Variants in TFRC observed in about 807,000 individuals in gnomAD.
The protein encoded by TFRC is transferrin receptor, also known as transferrin receptor protein 1.
TFRC carries 35 observed loss-of-function variants against 85.8 expected under a neutral mutation model. That is an observed-to-expected ratio of 0.41 (90% CI 0.31 to 0.54). The LOEUF (loss-of-function observed/expected upper bound fraction) is 0.54. TFRC is among the 20% of genes least tolerant of loss of function. TFRC has a pLI of 0.31. For missense variants in TFRC, 828 were observed against 921.5 expected (o/e 0.90, Z 1.31); for synonymous variants, 362 against 328.6 (o/e 1.10, Z -1.10).
chr3:196,073,429 C>T (rs1718396976), intron 4 of TFRC, among the ~76,000 whole-genome samples: 2 of 152,036 alleles, frequency 1.3e-5, no homozygotes, highest in South Asian at 4.2e-4. Context: ...CAGAGGGAGA[C>T]ATTGTCTCTG....
Position 196,073,986 on chromosome 3 carries a change from G to A in TFRC, c.378C>T (p.Asp126=). The A allele has an allele frequency of 1.9e-6, 3 of 1,614,048 alleles. No homozygotes were observed. The highest frequency in any genetic ancestry group is 2.5e-6 in the Non-Finnish European group (3 of 1,180,024). The change falls in exon 4 of 19, where the codon GAC becomes GAT. Residue 126 remains aspartate (D), a synonymous_variant. Coordinates refer to ENST00000360110, the MANE Select transcript of TFRC (RefSeq NM_001128148.3). The stretch of plus-strand genomic sequence containing the variant: ...GTTTCTCCGACAACTTTCTCTTCAG[G>A]TCATCCCAATATAAGCGACGTGCTG... ...FPAARRLYWD[D]LKRKLSEKLD... is the part of the protein sequence containing the mutation.
At chr3:196,061,013 A>G (rs1324367801) in intron 13 of TFRC, among the ~76,000 whole-genome samples, 1 of 152,154 alleles carries the variant, frequency 6.6e-6, no homozygotes, top group Non-Finnish European at 1.5e-5. Flanking sequence ...CAAACATACA[A>G]CAGGGAAATA....
chr3:196,058,733 T>C (rs893089438), intron 14 of TFRC, 101 bp from the exon 15 acceptor site: 5 of 693,634 alleles, frequency 7.2e-6, no homozygotes, highest in African/African-American at 3.7e-5. Flanking sequence ...AATAAAAAAC[T>C]TGTATTATAT....
chr3:196,062,837 G>A lies in TFRC; in HGVS notation c.1404+17C>T, dbSNP rs2239640. On this transcript the variant is annotated intron_variant, in intron 12 of 18. Transcript: ENST00000360110. Reference sequence around the variant, plus strand: ...CACAAGCTCGTGTCCAATATGGGAAGGGATGATAAAGAATACCTCTAGCCA... The same window carrying A: ...CACAAGCTCGTGTCCAATATGGGAAAGGATGATAAAGAATACCTCTAGCCA... The A allele has an allele frequency of 2.5e-6, 4 of 1,611,374 alleles. No homozygotes were observed. In the African/African-American group the frequency reaches 5.3e-5, roughly 22 times the overall value.
At chr3:196,062,978 T>C in intron 11 of TFRC, 39 bp from the exon 12 acceptor site, 1 of 1,546,954 alleles carries the variant, frequency 6.5e-7, no homozygotes, top group Non-Finnish European at 8.9e-7. Context: ...GAGGAAAGGT[T>C]ATACACAGAC....
At chr3:196,065,666 G>A in intron 9 of TFRC, 66 bp from the exon 10 acceptor site, 1 of 1,489,104 alleles carries the variant, frequency 6.7e-7, no homozygotes, top group Non-Finnish European at 8.9e-7. Context: ...CTCCTGTCCA[G>A]TGAAGTTACA....
intron 13 of TFRC, 40 bp downstream of exon 13, chr3:196,062,542 T>C: frequency 3.2e-6 from 5 of 1,571,702 alleles, no homozygotes; most frequent in Non-Finnish European, 4.3e-6. Flanking sequence ...TCAAAAAAGT[T>C]TACCTGAATT....
chr3:196,067,697 C>G (rs974946275), intron 8 of TFRC, 40 bp from the exon 9 acceptor site: 1 of 1,599,618 alleles, frequency 6.3e-7, no homozygotes, highest in African/African-American at 1.3e-5. Flanking sequence ...TCACATACTT[C>G]CTCAAAACTT....
At chr3:196,062,078 G>A (rs760919198) in intron 13 of TFRC, among the ~76,000 whole-genome samples, 2 of 152,036 alleles carry the variant, frequency 1.3e-5, no homozygotes, top group Non-Finnish European at 2.9e-5. Context: ...TGGGCAACAT[G>A]GCAAAACCCC....
Position 196,058,641 on chromosome 3 carries a change from T to A in TFRC, c.1537-9A>T. On this transcript the variant is annotated splice_polypyrimidine_tract_variant and intron_variant, in intron 14 of 18. Transcript: ENST00000360110. ...GTAACCGGATGCTTCACCTGTAAGA[T>A]AAGAAATTATCATTAAAACTAACCT... 6.2e-7 allele frequency: 1 copy of A among 1,605,006 alleles called. No individual in the cohort carries two copies. The highest frequency in any genetic ancestry group is 8.5e-7 in the Non-Finnish European group (1 of 1,175,222).
At chr3:196,081,968 G>C (rs1219883110) in intron 1 of TFRC, 75 bp downstream of exon 1, 1 of 152,408 alleles carries the variant, frequency 6.6e-6, no homozygotes, top group Non-Finnish European at 1.5e-5. Context: ...CAGCACCGGA[G>C]CGGCCGCTCC....
chr3:196,062,588 C>A lies in TFRC; in HGVS notation c.1462G>T (p.Val488Phe). 2 of 1,606,996 alleles carry A rather than the reference C, an allele frequency of 1.2e-6. No homozygotes were observed. The highest frequency in any genetic ancestry group is 1.7e-6 in the Non-Finnish European group (2 of 1,177,932). Residue 488 changes from valine (V) to phenylalanine (F), a missense_variant, in exon 13 of 19, where the codon GTT becomes TTT. Val to Phe is a conservative substitution (Grantham distance 50). Coordinates refer to ENST00000360110, the MANE Select transcript of TFRC (RefSeq NM_001128148.3). ...AFTYINLDKA[V>F]LGTSNFKVSA... ...TAATGAAAGGGATACTTACCAAGAA[C>A]CGCTTTATCCAGATTAATATAAGTG... is the stretch of plus-strand genomic sequence containing the variant.
chr3:196,058,418 C>G, intron 15 of TFRC, 53 bp from the exon 16 acceptor site: 1 of 1,556,142 alleles, frequency 6.4e-7, no homozygotes. Flanking sequence ...ATAGACTGTT[C>G]TATCGTGCTA....
intron 6 of TFRC, among the ~76,000 whole-genome samples, chr3:196,070,873 T>C (rs1175265531): frequency 6.6e-6 from 1 of 151,842 alleles, no homozygotes; most frequent in Non-Finnish European, 1.5e-5. Context: ...GCCTGGGTGG[T>C]GGTGGAGAAT....
chr3:196,071,063 C>G (rs1487295030), intron 6 of TFRC, among the ~76,000 whole-genome samples: 1 of 152,214 alleles, frequency 6.6e-6, no homozygotes, highest in Non-Finnish European at 1.5e-5. Context: ...GCAAATACTA[C>G]TATGTATGTC....
intron 10 of TFRC, among the ~76,000 whole-genome samples, chr3:196,064,824 T>G (rs922841649): frequency 6.6e-6 from 1 of 152,258 alleles, no homozygotes; most frequent in Non-Finnish European, 1.5e-5. Flanking sequence ...AGAGACTGTA[T>G]AGCCTGGCAA....
In TFRC at chr3:196,071,764, C is replaced by T. The variant is rs570936643; in HGVS notation, c.584+239G>A. ...ACTAAAAATACAAAAATTAGCTGGG[C>T]GTGGTGGCGTGCGCCTGTAATCCCA... is the stretch of plus-strand genomic sequence containing the variant. On this transcript the variant is annotated intron_variant, in intron 5 of 18. Coordinates refer to ENST00000360110, the MANE Select transcript of TFRC (RefSeq NM_001128148.3). 2.6e-5 allele frequency among the ~76,000 whole-genome samples: 4 copies of T among 152,226 alleles called. No homozygotes were observed. The East Asian group carries it at 5.8e-4, about 22-fold the overall frequency.
In TFRC at chr3:196,055,500, C is replaced by T. The variant is rs1362666382; in HGVS notation, c.1678-199G>A. The T allele has an allele frequency of 1.0e-5, 6 of 597,610 alleles. No individual in the cohort carries two copies. In the Admixed American group the frequency reaches 1.8e-4, roughly 18 times the overall value. 37.0% of individuals were successfully genotyped at this position (597,610 alleles called of 1,614,324 possible). A position where few individuals can be genotyped will look rare whatever the true frequency, so the allele number is the denominator to read the frequency against. On this transcript the variant is annotated intron_variant, in intron 16 of 18. Transcript: ENST00000360110. The stretch of plus-strand genomic sequence containing the variant: ...GCTACTTCTCTCAAGCTAACCTACT[C>T]CTAGAGTGACTACTTTCTTCCAGGT...
chr3:196,054,880 GCT>G (rs1560066682), intron 17 of TFRC, among the ~76,000 whole-genome samples, 198 bp downstream of exon 17: 1 of 152,198 alleles, frequency 6.6e-6, no homozygotes, highest in East Asian at 1.9e-4. Flanking sequence ...CACCTGCTGA[GCT>G]CTGTCCTAGG....
Sources: allele counts gnomAD v4.1 joint callset (sites outside exome capture counted in the v4.1 genomes callset), GRCh38; gene constraint gnomAD v4.1.1; transcripts MANE v1.5; gene names NCBI Gene and HGNC (gene_info 2026-07-23, HGNC 2026-07-21).